KCNIP1: variants seen among roughly 807,000 people sequenced by gnomAD.
KCNIP1 encodes A-type potassium channel modulatory protein KCNIP1.
A neutral mutation model predicts 33.0 loss-of-function variants in KCNIP1; 18 were observed. That is an observed-to-expected ratio of 0.55 (90% CI 0.38 to 0.81). The LOEUF is 0.81. KCNIP1 is among the 30% of genes least tolerant of loss of function. KCNIP1 has a pLI of 0.00. For synonymous variants in KCNIP1, 93 were observed against 98.3 expected, an observed-to-expected ratio of 0.95 and a Z score of 0.32; for missense variants, 238 against 271.6, an observed-to-expected ratio of 0.88 and a Z score of 0.87.
At chr5:170,588,502 G>A (rs1246631585) in intron 1 of KCNIP1, among the ~76,000 whole-genome samples, 1 of 152,196 alleles carries the variant, frequency 6.6e-6, no homozygotes, top group African/African-American at 2.4e-5. Context: ...AGTTGTGTGT[G>A]TCACTCACTC....
chr5:170,635,148 A>G (rs919050880), intron 1 of KCNIP1, among the ~76,000 whole-genome samples: 11 of 152,044 alleles, frequency 7.2e-5, no homozygotes, highest in African/African-American at 2.7e-4. Context: ...TTGTGCCTCA[A>G]CCTCCTGACT....
At chr5:170,605,968 T>G (rs2113602012) in intron 1 of KCNIP1, among the ~76,000 whole-genome samples, 1 of 152,152 alleles carries the variant, frequency 6.6e-6, no homozygotes, top group Admixed American at 6.5e-5. Context: ...AGCGACGGGG[T>G]TTTGCCATGT....
intron 1 of KCNIP1, among the ~76,000 whole-genome samples, chr5:170,648,397 G>T (rs927309941): frequency 6.6e-6 from 1 of 152,140 alleles, no homozygotes. Flanking sequence ...TTCAGTGAGC[G>T]AATGGTTAAA....
At chr5:170,475,083 C>T (rs1756825524) in intron 1 of KCNIP1, among the ~76,000 whole-genome samples, 1 of 152,122 alleles carries the variant, frequency 6.6e-6, no homozygotes, top group African/African-American at 2.4e-5. Context: ...TAGCTAGCTA[C>T]AGAGTGCTGA....
intron 1 of KCNIP1, among the ~76,000 whole-genome samples, chr5:170,643,044 G>A (rs1760637868): frequency 6.6e-6 from 1 of 152,188 alleles, no homozygotes; most frequent in Non-Finnish European, 1.5e-5. Flanking sequence ...AGGATCCTGA[G>A]ATTGGGAGAC....
Position 170,718,845 on chromosome 5 carries a change from A to G in KCNIP1, c.149A>G (p.Lys50Arg). The change falls in exon 2 of 8, where the codon AAG becomes AGG. Residue 50 changes from lysine (K) to arginine (R), a missense_variant. Transcript: ENST00000328939. The part of the protein sequence containing the change: ...EQLEAQTNFT[K>R]RELQVLYRGF... ...CTCGAGGCCCAGACCAACTTCACCA[A>G]GAGGGAGCTGCAGGTCCTTTATCGA... is the stretch of plus-strand genomic sequence containing the variant. 3.7e-6 allele frequency: 6 copies of G among 1,610,718 alleles called. No homozygotes were observed. Among genetic ancestry groups the G allele is most frequent in the East Asian group, 2.2e-5 (1 of 44,718 alleles).
At chr5:170,367,421 G>GGAAAGAAA (rs879277915) in intron 1 of KCNIP1, among the ~76,000 whole-genome samples, 1,056 of 74,552 alleles carry the variant, frequency 0.014, 44 homozygotes, top group Admixed American at 0.029. Context: ...AAGAAAGAAA[G>GGAAAGAAA]GAAAGAAAGA....
At chr5:170,469,134 G>A (rs1756669174) in intron 1 of KCNIP1, among the ~76,000 whole-genome samples, 1 of 152,122 alleles carries the variant, frequency 6.6e-6, no homozygotes, top group Non-Finnish European at 1.5e-5. Flanking sequence ...GGTGGTTCAT[G>A]CCTGTAATCC....
intron 1 of KCNIP1, among the ~76,000 whole-genome samples, chr5:170,518,496 T>G (rs1755237074): frequency 6.6e-6 from 1 of 152,334 alleles, no homozygotes; most frequent in Admixed American, 6.5e-5. Flanking sequence ...TCGTCAAGTC[T>G]TCAATAAATA....
intron 1 of KCNIP1, among the ~76,000 whole-genome samples, chr5:170,685,000 T>C (rs1428073048): frequency 6.6e-6 from 1 of 152,172 alleles, no homozygotes; most frequent in Non-Finnish European, 1.5e-5. Context: ...AATCTGTTTA[T>C]CATATTCTCA....
At chr5:170,420,353 T>C (rs11748263) in intron 1 of KCNIP1, 28,228 of 152,122 alleles carry the variant, frequency 0.19, 2,949 homozygotes, top group Non-Finnish European at 0.23. Flanking sequence ...CTCTTCTTTA[T>C]GATTTCTCGT....
At chr5:170,622,088 A>G (rs1309719818) in intron 1 of KCNIP1, among the ~76,000 whole-genome samples, 1 of 152,162 alleles carries the variant, frequency 6.6e-6, no homozygotes, top group East Asian at 1.9e-4. Flanking sequence ...CTTCCCTTCC[A>G]GTTTGTCAAG....
chr5:170,683,916 G>C (rs555708836), intron 1 of KCNIP1, among the ~76,000 whole-genome samples: 6 of 151,172 alleles, frequency 4.0e-5, no homozygotes, highest in Non-Finnish European at 8.9e-5. Flanking sequence ...GTGTGTGTGT[G>C]TGTGTGTGTG....
chr5:170,684,049 G>A (rs1009917946), intron 1 of KCNIP1, among the ~76,000 whole-genome samples: 7 of 152,074 alleles, frequency 4.6e-5, no homozygotes, highest in African/African-American at 7.2e-5. Flanking sequence ...GAGCCACAGC[G>A]CCTGGCCAAT....
At chr5:170,458,202 T>C (rs934758896) in intron 1 of KCNIP1, among the ~76,000 whole-genome samples, 2 of 152,136 alleles carry the variant, frequency 1.3e-5, no homozygotes, top group African/African-American at 4.8e-5. Flanking sequence ...GGGATTATAT[T>C]AAATGGCCAA....
intron 1 of KCNIP1, among the ~76,000 whole-genome samples, chr5:170,423,004 T>C (rs1277570408): frequency 6.6e-6 from 1 of 152,178 alleles, no homozygotes; most frequent in Admixed American, 6.5e-5. Context: ...GAGGACTGCT[T>C]GAGCCCAGGA....
At chr5:170,704,868 A>G (rs1480117627) in intron 1 of KCNIP1, among the ~76,000 whole-genome samples, 1 of 152,246 alleles carries the variant, frequency 6.6e-6, no homozygotes, top group Non-Finnish European at 1.5e-5. Context: ...GTAATGATGT[A>G]GACCCTGAGA....
chr5:170,427,581 T>C (rs7735377), intron 1 of KCNIP1, among the ~76,000 whole-genome samples: 114,102 of 152,102 alleles, frequency 0.75, 43,641 homozygotes, highest in African/African-American at 0.91. Flanking sequence ...AGAACCACTG[T>C]ATCCTCACCC....
chr5:170,378,449 A>G (rs1764094466), intron 1 of KCNIP1: 1 of 464,986 alleles, frequency 2.2e-6, no homozygotes, highest in Non-Finnish European at 3.8e-6. Context: ...TTGAGTGGGG[A>G]CAGGTAATAG....
Sources: gnomAD v4.1 joint callset for allele counts (sites outside exome capture counted in the v4.1 genomes callset) on GRCh38, gnomAD v4.1.1 for gene constraint, MANE v1.5 for transcripts, NCBI Gene and HGNC (gene_info 2026-07-23, HGNC 2026-07-21) for gene names.